The following DUS2 variants were observed in gnomAD, a reference collection of about 807,000 sequenced individuals.
DUS2 encodes tRNA-dihydrouridine(20) synthase [NAD(P)+]-like.
In DUS2, 52 loss-of-function variants were observed where a neutral mutation model predicts 71.3. The observed-to-expected ratio is 0.73, with a 90% CI of 0.58 to 0.92. DUS2 has a LOEUF of 0.92. DUS2 is among the 40% of genes least tolerant of loss of function. DUS2 has a pLI of 0.00. For synonymous variants in DUS2, 204 were observed against 227.8 expected (o/e 0.90, Z 0.94); for missense variants, 558 against 622.6 (o/e 0.90, Z 1.10).
At chr16:68,023,663 A>AG (rs2033295082) in intron 1 of DUS2, 1 of 174,636 alleles carries the variant, frequency 5.7e-6, no homozygotes, top group Non-Finnish European at 1.4e-5. Context: ...GATCAGGCCT[A>AG]GGGGCCGAGA....
intron 2 of DUS2, among the ~76,000 whole-genome samples, chr16:68,025,911 G>A (rs776499552): frequency 1.2e-4 from 19 of 152,094 alleles, no homozygotes; most frequent in African/African-American, 4.8e-5. Flanking sequence ...TACTTCCTGA[G>A]CACCACGCAT....
intron 8 of DUS2, among the ~76,000 whole-genome samples, chr16:68,066,043 G>A (rs7200986): frequency 0.59 from 89,555 of 152,034 alleles, 29,373 homozygotes; most frequent in African/African-American, 0.89. Context: ...GTGTACACGC[G>A]TACCCATTCA....
rs1287722157 is a variant in DUS2 at position 68,049,385 on chromosome 16, G to A, written c.127-120G>A. On this transcript the variant is annotated intron_variant, in intron 3 of 16. Coordinates refer to ENST00000565263, the MANE Select transcript of DUS2 (RefSeq NM_017803.5). Reference sequence around the variant, plus strand: ...TAGCACTACATGTCCCAAAAGCCGTGGTTTGTTCTTGGTAGTAGGGCGACT... The same window carrying A: ...TAGCACTACATGTCCCAAAAGCCGTAGTTTGTTCTTGGTAGTAGGGCGACT... 3.1e-6 allele frequency: 3 copies of A among 968,792 alleles called. No homozygotes were observed. The African/African-American group carries it at 4.8e-5, about 15-fold the overall frequency. The allele number at this position is 968,792 out of a possible 1,614,324, so 60.0% of individuals were successfully genotyped here.
In DUS2 at chr16:68,066,337, AG is replaced by A; in HGVS notation, c.441del (p.Thr148HisfsTer5). 1 of 1,614,228 alleles carries A rather than the reference AG, an allele frequency of 6.2e-7. No homozygotes were observed. Among genetic ancestry groups the A allele is most frequent in the Non-Finnish European group, 8.5e-7 (1 of 1,180,032 alleles). ...IEKILSTLVK[G>X]TRRPVTCKIR... ...TGCAGATCCTCAGCACTCTTGTTAAAGGGACACGCAGACCTGTGACCTGCAA... is the reference window on the plus strand; with the variant it reads ...TGCAGATCCTCAGCACTCTTGTTAAAGGACACGCAGACCTGTGACCTGCAA... On this transcript the variant is annotated frameshift_variant, in exon 9 of 17. Coordinates refer to ENST00000565263, the MANE Select transcript of DUS2 (RefSeq NM_017803.5). LOFTEE classifies it high-confidence loss of function.
intron 3 of DUS2, among the ~76,000 whole-genome samples, chr16:68,046,870 C>T (rs372268607): frequency 1.9e-4 from 29 of 151,904 alleles, no homozygotes; most frequent in African/African-American, 5.3e-4. Context: ...CCTCAGCCTC[C>T]GGAGCAGCTG....
rs763439543 is a variant in DUS2 at position 68,053,615 on chromosome 16, G to A, written c.224G>A (p.Arg75His). Residue 75 changes from arginine to histidine, a missense_variant, in exon 5 of 17, where the codon CGC (arginine) becomes CAC (histidine). Physicochemically the swap from Arg to His is conservative, Grantham distance 29 (BLOSUM62 0). Transcript: ENST00000565263. ...GCCCCTGATGATCGAGTTGTCTTCC[G>A]CACCTGTGAAAGAGAGCAGAACAGG... Reference protein sequence around the residue: ...FVAPDDRVVFRTCEREQNRVV... With the variant: ...FVAPDDRVVFHTCEREQNRVV... 11 of 1,614,020 alleles carry A rather than the reference G, an allele frequency of 6.8e-6. No homozygotes were observed. Among genetic ancestry groups the A allele is most frequent in the African/African-American group, 2.7e-5 (2 of 74,906 alleles).
chr16:68,033,253 G>A (rs1438190510), intron 2 of DUS2, among the ~76,000 whole-genome samples: 2 of 152,134 alleles, frequency 1.3e-5, no homozygotes, highest in Admixed American at 6.6e-5. Context: ...GTGGCCATTG[G>A]CATGTAGTAA....
chr16:68,055,169 A>G (rs968425154), intron 6 of DUS2, among the ~76,000 whole-genome samples: 1 of 151,884 alleles, frequency 6.6e-6, no homozygotes, highest in Admixed American at 6.6e-5. Flanking sequence ...GTTTTTTTGT[A>G]TTTATTCGTG....
intron 1 of DUS2, among the ~76,000 whole-genome samples, chr16:68,024,379 G>A (rs2033312029): frequency 6.6e-6 from 1 of 152,090 alleles, no homozygotes. Flanking sequence ...GATTATAAGC[G>A]TGAGCCACCA....
intron 15 of DUS2, among the ~76,000 whole-genome samples, chr16:68,077,718 A>T (rs1222200780): frequency 6.6e-6 from 1 of 152,206 alleles, no homozygotes; most frequent in East Asian, 1.9e-4. Flanking sequence ...AGCCTCAGCC[A>T]ATGGGGCACA....
At chr16:68,043,776 T>G (rs369424876) in intron 3 of DUS2, among the ~76,000 whole-genome samples, 11 of 152,318 alleles carry the variant, frequency 7.2e-5, no homozygotes, top group African/African-American at 2.2e-4. Flanking sequence ...GCAATTCTTC[T>G]GCCTTGGCCT....
intron 2 of DUS2, among the ~76,000 whole-genome samples, chr16:68,032,827 T>C (rs1319446978): frequency 7.4e-6 from 1 of 135,128 alleles, no homozygotes; most frequent in African/African-American, 2.8e-5. Context: ...GGCAGGAGGC[T>C]GAACCTGGGA....
chr16:68,076,602 G>C (rs781771018), intron 14 of DUS2, 30 bp from the exon 15 acceptor site: 3 of 1,570,208 alleles, frequency 1.9e-6, no homozygotes. Context: ...GATGGTGGGT[G>C]ACCCCAACTG....
chr16:68,035,747 C>T (rs2033509926), intron 2 of DUS2, among the ~76,000 whole-genome samples: 1 of 147,250 alleles, frequency 6.8e-6, no homozygotes, highest in African/African-American at 2.5e-5. Context: ...GACATTTACC[C>T]TCTGTTACCC....
chr16:68,072,568 C>G (rs910249233), intron 12 of DUS2, among the ~76,000 whole-genome samples: 4 of 152,244 alleles, frequency 2.6e-5, no homozygotes, highest in African/African-American at 9.6e-5. Flanking sequence ...GTGCCTTCTT[C>G]CCAGACAAGC....
chr16:68,040,002 A>T (rs1048281198), intron 3 of DUS2, among the ~76,000 whole-genome samples: 1 of 152,162 alleles, frequency 6.6e-6, no homozygotes, highest in African/African-American at 2.4e-5. Context: ...GAAGGAAGGC[A>T]TTAGAAGGAG....
chr16:68,045,416 G>A (rs1213448442), intron 3 of DUS2, among the ~76,000 whole-genome samples: 2 of 151,486 alleles, frequency 1.3e-5, no homozygotes, highest in African/African-American at 2.4e-5. Context: ...GACCAGCCTG[G>A]CCAACACGAT....
intron 7 of DUS2, among the ~76,000 whole-genome samples, chr16:68,058,223 T>C (rs1254750554): frequency 6.8e-6 from 1 of 147,046 alleles, no homozygotes; most frequent in Non-Finnish European, 1.5e-5. Flanking sequence ...TAGGTATCTT[T>C]GGGCTTTTTT....
chr16:68,073,052 G>A (rs1396205252), intron 12 of DUS2, among the ~76,000 whole-genome samples: 5 of 152,192 alleles, frequency 3.3e-5, no homozygotes, highest in African/African-American at 1.2e-4. Context: ...GACCTGCCAT[G>A]CCAGAATTTG....
Sources: allele counts gnomAD v4.1 joint callset (sites outside exome capture counted in the v4.1 genomes callset), GRCh38; gene constraint gnomAD v4.1.1; transcripts MANE v1.5; gene names NCBI Gene and HGNC (gene_info 2026-07-23, HGNC 2026-07-21).